The following GPC5 variants were observed in gnomAD, a reference collection of about 807,000 sequenced individuals.
GPC5 encodes glypican-5.
A neutral mutation model predicts 53.9 loss-of-function variants in GPC5; 47 were observed. The ratio of observed to expected loss-of-function variants is 0.87; its 90% confidence interval spans 0.69 to 1.11. The LOEUF is 1.11. GPC5 is among the 50% of genes most tolerant of loss of function. The probability of loss-of-function intolerance (pLI) is 0.00; values close to 1 mark genes in which losing one functional copy is unlikely to be tolerated. For missense variants in GPC5, 748 were observed against 713.1 expected (o/e 1.05, Z -0.56); for synonymous variants, 286 against 263.3 (o/e 1.09, Z -0.84).
intron 7 of GPC5, among the ~76,000 whole-genome samples, chr13:92,757,647 C>A (rs1221015749): frequency 6.6e-6 from 1 of 151,602 alleles, no homozygotes; most frequent in Admixed American, 6.6e-5. Flanking sequence ...AAAAAACAAA[C>A]AACCCCATCA....
intron 7 of GPC5, among the ~76,000 whole-genome samples, chr13:92,753,171 TCCCTGAC>T (rs1293153227): frequency 6.6e-6 from 1 of 152,036 alleles, no homozygotes; most frequent in Non-Finnish European, 1.5e-5. Context: ...CTAAAGTGGG[TCCCTGAC>T]CCCTGACCCC....
intron 7 of GPC5, among the ~76,000 whole-genome samples, chr13:92,547,183 T>C (rs1040082388): frequency 6.6e-6 from 1 of 152,114 alleles, no homozygotes; most frequent in Non-Finnish European, 1.5e-5. Flanking sequence ...AGGAATTAGA[T>C]TAAAAGGGAA....
At chr13:92,097,417 C>A (rs564442978) in intron 6 of GPC5, among the ~76,000 whole-genome samples, 1 of 152,138 alleles carries the variant, frequency 6.6e-6, no homozygotes, top group African/African-American at 2.4e-5. Flanking sequence ...CTGCCAAGAA[C>A]GTGTACTCTG....
intron 5 of GPC5, among the ~76,000 whole-genome samples, chr13:91,805,529 T>C (rs2038206503): frequency 6.6e-6 from 1 of 152,176 alleles, no homozygotes; most frequent in African/African-American, 2.4e-5. Context: ...ACACAAGACG[T>C]GTATATTAAT....
At chr13:92,185,143 G>A (rs887700905) in intron 7 of GPC5, among the ~76,000 whole-genome samples, 4 of 151,982 alleles carry the variant, frequency 2.6e-5, no homozygotes, top group Admixed American at 1.3e-4. Context: ...GCTTGCTCCA[G>A]TAAAAGTCTG....
chr13:92,479,423 G>A (rs535105397), intron 7 of GPC5, among the ~76,000 whole-genome samples: 37 of 152,302 alleles, frequency 2.4e-4, no homozygotes, highest in African/African-American at 8.7e-4. Context: ...GATTTTCACT[G>A]CATGTAGCTT....
intron 2 of GPC5, among the ~76,000 whole-genome samples, chr13:91,689,192 T>TAA (rs1420532159): frequency 1.1e-4 from 10 of 88,646 alleles, no homozygotes; most frequent in Non-Finnish European, 1.8e-4. Flanking sequence ...TAAATATATA[T>TAA]ATATATATAT....
chr13:91,881,604 C>T (rs1470220965), intron 5 of GPC5, among the ~76,000 whole-genome samples: 10 of 152,078 alleles, frequency 6.6e-5, no homozygotes, highest in South Asian at 2.1e-4. Context: ...ATCTACCCAC[C>T]CATTTATTAA....
chr13:91,715,012 C>T (rs536513106), intron 3 of GPC5, among the ~76,000 whole-genome samples: 39 of 152,308 alleles, frequency 2.6e-4, no homozygotes, highest in African/African-American at 9.1e-4. Flanking sequence ...TTCTGTAAGT[C>T]GTGTTTATAC....
At chr13:91,555,148 A>G (rs1383137996) in intron 2 of GPC5, among the ~76,000 whole-genome samples, 1 of 152,054 alleles carries the variant, frequency 6.6e-6, no homozygotes, top group Non-Finnish European at 1.5e-5. Context: ...AGTTCCCCCC[A>G]GTGGTAACAT....
intron 3 of GPC5, among the ~76,000 whole-genome samples, chr13:91,722,579 C>T (rs749045570): frequency 5.3e-5 from 8 of 152,134 alleles, no homozygotes; most frequent in African/African-American, 1.7e-4. Context: ...ATTATTAAAA[C>T]GTGCTTCTGC....
At chr13:91,597,827 T>A (rs2033048212) in intron 2 of GPC5, among the ~76,000 whole-genome samples, 1 of 152,142 alleles carries the variant, frequency 6.6e-6, no homozygotes, top group Non-Finnish European at 1.5e-5. Flanking sequence ...TGATTTCAGC[T>A]CCTGTTTGCT....
intron 2 of GPC5, among the ~76,000 whole-genome samples, chr13:91,550,898 C>T (rs913459513): frequency 2.6e-5 from 4 of 152,052 alleles, no homozygotes; most frequent in Admixed American, 2.0e-4. Flanking sequence ...CCATGTAAGA[C>T]GTGACTTTGC....
intron 2 of GPC5, among the ~76,000 whole-genome samples, chr13:91,566,079 A>G (rs548777277): frequency 4.1e-4 from 63 of 152,198 alleles, no homozygotes; most frequent in African/African-American, 1.5e-3. Flanking sequence ...AAGATCCTCA[A>G]TGTAATTACA....
At chr13:92,681,817 T>C (rs1887118828) in intron 7 of GPC5, among the ~76,000 whole-genome samples, 1 of 152,220 alleles carries the variant, frequency 6.6e-6, no homozygotes, top group Admixed American at 6.5e-5. Context: ...ATTTTCCCTG[T>C]TGGCCTAGAA....
chr13:91,525,846 A>G (rs1170401894), intron 2 of GPC5, among the ~76,000 whole-genome samples: 1 of 152,236 alleles, frequency 6.6e-6, no homozygotes, highest in Non-Finnish European at 1.5e-5. Context: ...AAAGGAAAGT[A>G]AATGATCTGA....
intron 7 of GPC5, among the ~76,000 whole-genome samples, chr13:92,594,314 A>G (rs1452862381): frequency 6.6e-6 from 1 of 152,180 alleles, no homozygotes; most frequent in Non-Finnish European, 1.5e-5. Flanking sequence ...CTCTCTGGAA[A>G]GGTTTGATAA....
rs1484889864 is a variant in GPC5, at chr13:92,070,227, G to C, written c.1402-74603G>C. On this transcript the variant is annotated intron_variant, in intron 6 of 7. Coordinates refer to ENST00000377067, the MANE Select transcript of GPC5 (RefSeq NM_004466.6). The stretch of plus-strand genomic sequence containing the variant: ...GGGACTGCGATACTACCTACACAAG[G>C]AACTAAGTGTGGCTAACAATCTGAA... Among the ~76,000 whole-genome samples the C allele has an allele frequency of 1.3e-5, 2 of 152,146 alleles. 1 individual carries two copies. Among genetic ancestry groups the C allele is most frequent in the East Asian group, 3.8e-4 (2 of 5,202 alleles).
At chr13:92,751,192 T>C (rs758602401) in intron 7 of GPC5, among the ~76,000 whole-genome samples, 1 of 150,446 alleles carries the variant, frequency 6.6e-6, no homozygotes. Flanking sequence ...TTCCAAAGAC[T>C]GAACTAGAGA....
Sources: gnomAD v4.1 joint callset for allele counts (sites outside exome capture counted in the v4.1 genomes callset) on GRCh38, gnomAD v4.1.1 for gene constraint, MANE v1.5 for transcripts, NCBI Gene and HGNC (gene_info 2026-07-23, HGNC 2026-07-21) for gene names.